DPF3: variants seen among roughly 807,000 people sequenced by gnomAD.
DPF3 encodes the protein zinc finger protein DPF3.
In DPF3, 18 loss-of-function variants were observed where a neutral mutation model predicts 56.8. The observed-to-expected ratio is 0.32, with a 90% CI of 0.22 to 0.47. The LOEUF (loss-of-function observed/expected upper bound fraction) is 0.47, where lower values mean the gene tolerates loss of function less well. DPF3 is among the 20% of genes least tolerant of loss of function. The pLI is 1.00. For missense variants in DPF3, 403 were observed against 488.8 expected, an observed-to-expected ratio of 0.82 and a Z score of 1.65; for synonymous variants, 188 against 180.2, an observed-to-expected ratio of 1.04 and a Z score of -0.35.
chr14:72,893,004 GA>G (rs1886827223), intron 1 of DPF3, among the ~76,000 whole-genome samples: 8 of 126,284 alleles, frequency 6.3e-5, no homozygotes, highest in African/African-American at 1.2e-4. Flanking sequence ...AGGAAGGAAG[GA>G]AGGAAGGAAG....
At chr14:72,736,698 T>C (rs1230825407) in intron 3 of DPF3, among the ~76,000 whole-genome samples, 2 of 152,178 alleles carry the variant, frequency 1.3e-5, no homozygotes, top group Non-Finnish European at 1.5e-5. Context: ...CACACTTCTA[T>C]TGAGCCCTTA....
intron 1 of DPF3, among the ~76,000 whole-genome samples, chr14:72,848,325 G>C (rs1489642238): frequency 6.6e-6 from 1 of 151,912 alleles, no homozygotes; most frequent in Non-Finnish European, 1.5e-5. Context: ...CACCATGCCC[G>C]GCTAATTTTT....
At chr14:72,690,477 C>T (rs549078816) in intron 7 of DPF3, among the ~76,000 whole-genome samples, 1 of 150,846 alleles carries the variant, frequency 6.6e-6, no homozygotes, top group East Asian at 1.9e-4. Context: ...TATACAAAAA[C>T]ACACACACAC....
chr14:72,626,458 T>A (rs1461687235), intron 9 of DPF3, among the ~76,000 whole-genome samples: 1 of 152,162 alleles, frequency 6.6e-6, no homozygotes, highest in African/African-American at 2.4e-5. Flanking sequence ...TTTACTTTGC[T>A]TTTTTACTTA....
At chr14:72,673,443 A>C (rs568889197) in intron 8 of DPF3, among the ~76,000 whole-genome samples, 59 of 152,354 alleles carry the variant, frequency 3.9e-4, no homozygotes, top group African/African-American at 1.4e-3. Flanking sequence ...GACATAATAC[A>C]ATATGAAAAA....
intron 1 of DPF3, among the ~76,000 whole-genome samples, chr14:72,869,445 A>G (rs1449835417): frequency 1.3e-5 from 2 of 152,200 alleles, no homozygotes; most frequent in Non-Finnish European, 2.9e-5. Flanking sequence ...CTGGGGAGAC[A>G]TGGATGAAGA....
chr14:72,768,379 A>T (rs1306860443), intron 2 of DPF3, among the ~76,000 whole-genome samples: 1 of 152,210 alleles, frequency 6.6e-6, no homozygotes, highest in Non-Finnish European at 1.5e-5. Flanking sequence ...GGGTAAAAGG[A>T]TTTAAATAAT....
chr14:72,726,507 T>C (rs1212817813), intron 4 of DPF3, among the ~76,000 whole-genome samples: 2 of 152,222 alleles, frequency 1.3e-5, no homozygotes, highest in Admixed American at 6.5e-5. Context: ...CCTCTGTCTA[T>C]GCCCTGGGCC....
At chr14:72,710,092 T>G (rs374306729) in intron 6 of DPF3, among the ~76,000 whole-genome samples, 2 of 152,180 alleles carry the variant, frequency 1.3e-5, no homozygotes, top group African/African-American at 4.8e-5. Context: ...AATGGAAAAG[T>G]GGGTCTCTCA....
intron 1 of DPF3, among the ~76,000 whole-genome samples, chr14:72,797,332 G>A (rs1427496892): frequency 2.6e-5 from 4 of 152,216 alleles, no homozygotes; most frequent in Non-Finnish European, 1.5e-5. Flanking sequence ...TCGAATTGCC[G>A]ACCCACGGAA....
At chr14:72,788,133 G>A (rs1021504255) in intron 1 of DPF3, among the ~76,000 whole-genome samples, 3 of 152,188 alleles carry the variant, frequency 2.0e-5, no homozygotes, top group Admixed American at 6.5e-5. Flanking sequence ...GCATGCACTT[G>A]GTAAGTGTTC....
chr14:72,887,704 C>T (rs978109952), intron 1 of DPF3, among the ~76,000 whole-genome samples: 3 of 151,890 alleles, frequency 2.0e-5, no homozygotes, highest in Non-Finnish European at 4.4e-5. Flanking sequence ...GTTCTGTGTC[C>T]CAGATCACAA....
chr14:72,802,608 G>T (rs187985076), intron 1 of DPF3, among the ~76,000 whole-genome samples: 68 of 152,250 alleles, frequency 4.5e-4, no homozygotes, highest in African/African-American at 1.4e-3. Flanking sequence ...ACACATTTTT[G>T]ATAGTTCCTG....
chr14:72,655,220 A>G (rs532859068), intron 8 of DPF3, among the ~76,000 whole-genome samples: 1 of 152,308 alleles, frequency 6.6e-6, no homozygotes, highest in African/African-American at 2.4e-5. Flanking sequence ...TTTTAAAATT[A>G]TTTAGAAAGA....
chr14:72,801,800 C>T (rs1255006311), intron 1 of DPF3, among the ~76,000 whole-genome samples: 1 of 152,182 alleles, frequency 6.6e-6, no homozygotes, highest in Non-Finnish European at 1.5e-5. Context: ...CAAGACACAA[C>T]ACGGGAGGAC....
chr14:72,660,550 C>T (rs1019641712), intron 8 of DPF3, among the ~76,000 whole-genome samples: 4 of 152,196 alleles, frequency 2.6e-5, no homozygotes, highest in East Asian at 1.9e-4. Flanking sequence ...CTGCACCAAC[C>T]GGCAGCTTGG....
At chr14:72,851,940 AT>A (rs1567256702) in intron 1 of DPF3, among the ~76,000 whole-genome samples, 1 of 152,224 alleles carries the variant, frequency 6.6e-6, no homozygotes, top group Non-Finnish European at 1.5e-5. Flanking sequence ...ACTTGATGGG[AT>A]TCTCTCTCTC....
At chr14:72,679,560 C>G (rs1371346520) in intron 7 of DPF3, among the ~76,000 whole-genome samples, 1 of 152,206 alleles carries the variant, frequency 6.6e-6, no homozygotes, top group Non-Finnish European at 1.5e-5. Context: ...GCAGAGCCCT[C>G]TGGGAAGAGA....
chr14:72,804,934 T>C (rs555520231), intron 1 of DPF3, among the ~76,000 whole-genome samples: 1 of 152,252 alleles, frequency 6.6e-6, no homozygotes, highest in African/African-American at 2.4e-5. Flanking sequence ...ATGTGTTCCC[T>C]ATCTGCCACA....
Sources: allele counts gnomAD v4.1 joint callset (sites outside exome capture counted in the v4.1 genomes callset), GRCh38; gene constraint gnomAD v4.1.1; transcripts MANE v1.5; gene names NCBI Gene and HGNC (gene_info 2026-07-23, HGNC 2026-07-21).